The following ARFGEF3 variants were observed in gnomAD, a reference collection of about 807,000 sequenced individuals.
The protein encoded by ARFGEF3 is brefeldin A-inhibited guanine nucleotide-exchange protein 3.
ARFGEF3 carries 96 observed loss-of-function variants against 221.7 expected under a neutral mutation model. That is an observed-to-expected ratio of 0.43 (90% CI 0.37 to 0.51). The LOEUF (loss-of-function observed/expected upper bound fraction) is 0.51, where lower values mean the gene tolerates loss of function less well. Ranked by LOEUF, ARFGEF3 falls within the 20% of genes least tolerant of loss-of-function variation. The pLI, the probability that ARFGEF3 is intolerant of heterozygous loss-of-function variation, is 0.00. For synonymous variants in ARFGEF3, 1,145 were observed against 1,126.8 expected, an observed-to-expected ratio of 1.02 and a Z score of -0.32; for missense variants, 2,410 against 2,789.9, an observed-to-expected ratio of 0.86 and a Z score of 3.07.
At chr6:138,282,294 C>G (rs1260657756) in intron 14 of ARFGEF3, among the ~76,000 whole-genome samples, 1 of 152,150 alleles carries the variant, frequency 6.6e-6, no homozygotes, top group African/African-American at 2.4e-5. Flanking sequence ...CCTCTCCTGG[C>G]TCCAGCAGAA....
At chr6:138,190,682 C>T (rs117447593) in intron 2 of ARFGEF3, among the ~76,000 whole-genome samples, 2,040 of 152,174 alleles carry the variant, frequency 0.013, 32 homozygotes, top group Middle Eastern at 0.058. Flanking sequence ...GCTGAGTGTG[C>T]GATTCGAACA....
Position 138,336,242 on chromosome 6 carries a change from T to C in ARFGEF3, c.6343-53T>C, listed in dbSNP as rs538480667. ...CATTGGCAGGGCCACTCTCAAGTGTTCAAATAAAACCAGGGGGGAAAGCCA... is the reference window on the plus strand; with the variant it reads ...CATTGGCAGGGCCACTCTCAAGTGTCCAAATAAAACCAGGGGGGAAAGCCA... On this transcript the variant is annotated intron_variant, in intron 33 of 33. Coordinates refer to ENST00000251691, the MANE Select transcript of ARFGEF3 (RefSeq NM_020340.5). 91 of 1,409,032 alleles carry C rather than the reference T, an allele frequency of 6.5e-5. No individual in the cohort carries two copies. The East Asian group carries it at 2.3e-3, about 36-fold the overall frequency. The allele number at this position is 1,409,032 out of a possible 1,614,324, so 87.3% of individuals were successfully genotyped here.
Position 138,312,371 on chromosome 6 carries a change from C to T in ARFGEF3, c.4200+861C>T, listed in dbSNP as rs905933519. 4.6e-5 allele frequency among the ~76,000 whole-genome samples: 7 copies of T among 152,072 alleles called. No homozygotes were observed. The East Asian group carries it at 1.4e-3, about 29-fold the overall frequency. On this transcript the variant is annotated intron_variant, in intron 25 of 33. Coordinates refer to ENST00000251691, the MANE Select transcript of ARFGEF3 (RefSeq NM_020340.5). ...TTTGGGGATCTATGTACAACCTCTTCCTGGGTGATAGCATTGAGCCCATGG... is the reference window on the plus strand; with the variant it reads ...TTTGGGGATCTATGTACAACCTCTTTCTGGGTGATAGCATTGAGCCCATGG...
Position 138,334,927 on chromosome 6 carries a change from C to T in ARFGEF3, c.6081C>T (p.Thr2027=), listed in dbSNP as rs1341125356. The change falls in exon 33 of 34, where the codon ACC becomes ACT. Residue 2027 remains threonine (T), a synonymous_variant. Coordinates refer to ENST00000251691, the MANE Select transcript of ARFGEF3 (RefSeq NM_020340.5). The surrounding 1 kb of genome is among the most constrained non-coding windows in gnomAD (Gnocchi z 5.1). Reference sequence around the variant, plus strand: ...ACAAGACCATTTCAAAGTTGATGACCGAATACAAAAAGAGGAAACAGCAGC... The same window carrying T: ...ACAAGACCATTTCAAAGTTGATGACTGAATACAAAAAGAGGAAACAGCAGC... ...AADKTISKLM[T]EYKKRKQQHN... is the part of the protein sequence containing the mutation. The T allele has an allele frequency of 2.5e-6, 4 of 1,589,562 alleles. No homozygotes were observed. Among genetic ancestry groups the T allele is most frequent in the African/African-American group, 2.7e-5 (2 of 74,278 alleles).
At chr6:138,171,579 G>A (rs1171906557) in intron 2 of ARFGEF3, among the ~76,000 whole-genome samples, 2 of 151,632 alleles carry the variant, frequency 1.3e-5, no homozygotes, top group Non-Finnish European at 2.9e-5. Flanking sequence ...CACTGGGAGA[G>A]AAATGCCTGC....
intron 2 of ARFGEF3, among the ~76,000 whole-genome samples, chr6:138,192,412 G>A (rs150861123): frequency 0.038 from 5,810 of 152,226 alleles, 238 homozygotes; most frequent in African/African-American, 0.099. Flanking sequence ...GCTTGAACCC[G>A]GGAGGTGGAG....
At position 138,342,829 on chromosome 6, in the gene ARFGEF3, T is replaced by C. The variant is rs943196060; in HGVS notation, c.*6343T>C. 6.6e-6 allele frequency: 1 copy of C among 152,230 alleles called. No homozygotes were observed. The highest frequency in any genetic ancestry group is 6.5e-5 in the Admixed American group (1 of 15,286). The allele number at this position is 152,230 out of a possible 1,614,324, so 9.4% of individuals were successfully genotyped here. A position where few individuals can be genotyped will look rare whatever the true frequency, so the allele number is the denominator to read the frequency against. On this transcript the variant is annotated 3_prime_UTR_variant, in exon 34 of 34. Transcript: ENST00000251691. ...CTACTTGTTGTACCTTCATCTTTCA[T>C]TTAATTTTCTGGCGTAAATTAACAT... is the stretch of plus-strand genomic sequence containing the variant.
rs1374865697 is a variant in ARFGEF3, at chr6:138,341,565, T to C, written c.*5079T>C. On this transcript the variant is annotated 3_prime_UTR_variant, in exon 34 of 34. Coordinates refer to ENST00000251691, the MANE Select transcript of ARFGEF3 (RefSeq NM_020340.5). ...GCAAAAGAGCACTTTTTATTGGAAA[T>C]ATGAGCTTGTCACTGGGAAAGATTT... The C allele has an allele frequency of 1.3e-5, 2 of 152,820 alleles. No homozygotes were observed. Among genetic ancestry groups the C allele is most frequent in the Non-Finnish European group, 2.9e-5 (2 of 68,154 alleles). 9.5% of individuals were successfully genotyped at this position (152,820 alleles called of 1,614,324 possible).
rs931513222 is a variant in ARFGEF3 at position 138,321,127 on chromosome 6, C to T, written c.4668C>T (p.Ser1556=). 4 of 1,557,810 alleles carry T rather than the reference C, an allele frequency of 2.6e-6. No homozygotes were observed. The highest frequency in any genetic ancestry group is 3.8e-5 in the Admixed American group (2 of 52,104). Residue 1556 remains serine, a synonymous_variant, in exon 29 of 34, where the codon AGC becomes AGT. Transcript: ENST00000251691. ...TTCCCATAGATATCAGGTACGAGAG[C>T]ATGATCAATACCATGCTGAAGGACC... ...SFLHSDIRYE[S]MINTMLKDLF... is the part of the protein sequence containing the mutation.
rs144763746 is a variant in ARFGEF3 at position 138,230,594 on chromosome 6, A to G, written c.420+742A>G. 7.2e-5 allele frequency among the ~76,000 whole-genome samples: 11 copies of G among 152,390 alleles called. No individual in the cohort carries two copies. The South Asian group carries it at 2.3e-3, about 32-fold the overall frequency. ...ATGATGGAGAAAAAGGCTAATTATC[A>G]GCACTCATGGAGAGTACTTATATTA... is the stretch of plus-strand genomic sequence containing the variant. On this transcript the variant is annotated intron_variant, in intron 5 of 33. Coordinates refer to ENST00000251691, the MANE Select transcript of ARFGEF3 (RefSeq NM_020340.5).
chr6:138,327,992 C>T (rs1429999174), intron 31 of ARFGEF3, 29 bp from the exon 32 acceptor site: 3 of 1,546,180 alleles, frequency 1.9e-6, no homozygotes, highest in Non-Finnish European at 2.6e-6. Flanking sequence ...CACTGGAGTT[C>T]TGAAATGTAC....
At chr6:138,315,515 TAGG>T (rs1487790302) in intron 26 of ARFGEF3, among the ~76,000 whole-genome samples, 2 of 152,142 alleles carry the variant, frequency 1.3e-5, no homozygotes, top group Middle Eastern at 3.2e-3. Flanking sequence ...TGGGGGTGGC[TAGG>T]AGATTTAAAA....
intron 2 of ARFGEF3, among the ~76,000 whole-genome samples, chr6:138,201,330 G>C (rs1469431264): frequency 6.6e-6 from 1 of 152,184 alleles, no homozygotes; most frequent in Non-Finnish European, 1.5e-5. Context: ...TATCTACTCA[G>C]AGGAAAAGAA....
In ARFGEF3 at chr6:138,339,110, A is replaced by T. The variant is rs1313633858; in HGVS notation, c.*2624A>T. 6.6e-6 allele frequency: 1 copy of T among 152,362 alleles called. No individual in the cohort carries two copies. Among genetic ancestry groups the T allele is most frequent in the East Asian group, 1.9e-4 (1 of 5,202 alleles). The allele number at this position is 152,362 out of a possible 1,614,324, so 9.4% of individuals were successfully genotyped here. On this transcript the variant is annotated 3_prime_UTR_variant, in exon 34 of 34. Transcript: ENST00000251691. ...GTTACCAGCCATCCACACTGACATCAGATTTCAACCAGAACCATCACTGAG... is the reference window on the plus strand; with the variant it reads ...GTTACCAGCCATCCACACTGACATCTGATTTCAACCAGAACCATCACTGAG...
At chr6:138,270,182 A>G (rs535286458) in intron 12 of ARFGEF3, among the ~76,000 whole-genome samples, 1 of 152,290 alleles carries the variant, frequency 6.6e-6, no homozygotes, top group African/African-American at 2.4e-5. Context: ...AAGCCCAAGT[A>G]AAGTCATGAT....
In ARFGEF3 at chr6:138,215,980, G is replaced by GT. The variant is rs768930653; in HGVS notation, c.351+5950dup. ...GGTTTTTTGGTTTTTTGTTGTTGTT[G>GT]TTTTTTTTTTTGGGTGGGGGGGAGT... On this transcript the variant is annotated intron_variant, in intron 4 of 33. Transcript: ENST00000251691. The GT allele has an allele frequency of 8.0e-3, 1,006 of 125,406 alleles. 11 individuals carry two copies. The highest frequency in any genetic ancestry group is 0.021 in the African/African-American group (724 of 33,704). The allele number at this position is 125,406 out of a possible 1,614,324, so 7.8% of individuals were successfully genotyped here.
chr6:138,236,229 T>A (rs1171277664), intron 5 of ARFGEF3, among the ~76,000 whole-genome samples: 1 of 152,182 alleles, frequency 6.6e-6, no homozygotes, highest in Non-Finnish European at 1.5e-5. Context: ...TCCTCTTTCA[T>A]CTGTAATGCT....
At chr6:138,215,883 TGTGTGA>T (rs1244838947) in intron 4 of ARFGEF3, 3 of 109,310 alleles carry the variant, frequency 2.7e-5, no homozygotes, top group Non-Finnish European at 5.5e-5. Flanking sequence ...TGTGTGTGTG[TGTGTGA>T]AAGAGAGAGA....
intron 29 of ARFGEF3, 88 bp from the exon 30 acceptor site, chr6:138,323,583 G>T (rs1406614016): frequency 4.4e-5 from 53 of 1,216,162 alleles, no homozygotes; most frequent in Non-Finnish European, 6.0e-5. Flanking sequence ...TGCACTCCAG[G>T]CTGGGCAACA....
Sources: gnomAD v4.1 joint callset for allele counts (sites outside exome capture counted in the v4.1 genomes callset) on GRCh38, gnomAD v4.1.1 for gene constraint, Gnocchi (gnomAD v3.1) non-coding constraint, MANE v1.5 for transcripts, NCBI Gene and HGNC (gene_info 2026-07-23, HGNC 2026-07-21) for gene names.